SIPA1L1: variants seen among roughly 807,000 people sequenced by gnomAD.
SIPA1L1 encodes signal-induced proliferation-associated 1-like protein 1.
A neutral mutation model predicts 162.7 loss-of-function variants in SIPA1L1; 26 were observed. The ratio of observed to expected loss-of-function variants is 0.16; its 90% confidence interval spans 0.12 to 0.22. The LOEUF is 0.22. Ranked by LOEUF, SIPA1L1 falls within the 10% of genes least tolerant of loss-of-function variation. The pLI is 1.00. For synonymous variants in SIPA1L1, 829 were observed against 837.4 expected, an observed-to-expected ratio of 0.99 and a Z score of 0.17; for missense variants, 1,874 against 2,241.0, an observed-to-expected ratio of 0.84 and a Z score of 3.31.
chr14:71,376,210 TA>T (rs900357411), intron 2 of SIPA1L1, among the ~76,000 whole-genome samples: 1 of 152,150 alleles, frequency 6.6e-6, no homozygotes, highest in Non-Finnish European at 1.5e-5. Context: ...TTGATGTCTT[TA>T]AAAAATATAT....
chr14:71,740,977 G>C lies in SIPA1L1; in HGVS notation c.*1816G>C, dbSNP rs1316538253. 1.3e-5 allele frequency: 2 copies of C among 152,156 alleles called. No individual in the cohort carries two copies. The highest frequency in any genetic ancestry group is 4.8e-5 in the African/African-American group (2 of 41,434). The allele number at this position is 152,156 out of a possible 1,614,324, so 9.4% of individuals were successfully genotyped here. Reference sequence around the variant, plus strand: ...ATTAGAGTTTTGCAACAGAGTTCTTGTTTGAAGCCTCTAAAGACTACCTGT... The same window carrying C: ...ATTAGAGTTTTGCAACAGAGTTCTTCTTTGAAGCCTCTAAAGACTACCTGT... On this transcript the variant is annotated 3_prime_UTR_variant, in exon 24 of 24. Transcript: ENST00000381232.
rs143993885 is a variant in SIPA1L1, at chr14:71,588,682, G to C, written c.810G>C (p.Glu270Asp). Residue 270 changes from glutamate to aspartate, a missense_variant, in exon 5 of 24, where the codon GAG (glutamate) becomes GAC (aspartate). Around this residue, in one of 5 missense-constraint regions of SIPA1L1, gnomAD observed 685 missense variants for 828.0 expected, o/e 0.83. Coordinates refer to ENST00000381232, the MANE Select transcript of SIPA1L1 (RefSeq NM_001386936.1). This position sits in a 1 kb window ranked among gnomAD's most constrained non-coding sequence, Gnocchi z 4.3. ...DVIDGPISQR[E>D]NLRLFKEREK... ...TAGACGGGCCTATCTCACAGAGAGAGAACCTCAGGCTTTTTAAGGAAAGGG... is the reference window on the plus strand; with the variant it reads ...TAGACGGGCCTATCTCACAGAGAGACAACCTCAGGCTTTTTAAGGAAAGGG... The C allele has an allele frequency of 2.7e-4, 442 of 1,613,884 alleles. 2 individuals carry two copies. The highest frequency in any genetic ancestry group is 8.0e-5 in the Non-Finnish European group (94 of 1,179,994).
chr14:71,544,335 A>G (rs1452967500), intron 4 of SIPA1L1, among the ~76,000 whole-genome samples: 1 of 151,296 alleles, frequency 6.6e-6, no homozygotes, highest in Non-Finnish European at 1.5e-5. Flanking sequence ...TACATATATC[A>G]TGTGTGTGTA....
At chr14:71,544,455 T>C (rs1193748598) in intron 4 of SIPA1L1, among the ~76,000 whole-genome samples, 1 of 152,162 alleles carries the variant, frequency 6.6e-6, no homozygotes, top group Non-Finnish European at 1.5e-5. Flanking sequence ...TGTCTCTTGA[T>C]GAACAAAAAG....
intron 2 of SIPA1L1, among the ~76,000 whole-genome samples, chr14:71,473,680 C>T (rs1376899143): frequency 2.0e-5 from 3 of 152,154 alleles, no homozygotes; most frequent in Non-Finnish European, 1.5e-5. Flanking sequence ...ACAGGAAGAT[C>T]ATTCTGGGCT....
chr14:71,429,991 G>A (rs988572585), intron 2 of SIPA1L1, among the ~76,000 whole-genome samples: 2 of 152,166 alleles, frequency 1.3e-5, no homozygotes, highest in African/African-American at 2.4e-5. Flanking sequence ...GTGCATTGGG[G>A]GTAAAGCTAG....
intron 20 of SIPA1L1, among the ~76,000 whole-genome samples, chr14:71,733,463 G>A (rs1197634158): frequency 1.3e-5 from 2 of 152,198 alleles, no homozygotes; most frequent in Non-Finnish European, 2.9e-5. Context: ...ATGATGGGAG[G>A]TTGTGAAAAA....
chr14:71,678,194 A>G (rs2045409502), intron 12 of SIPA1L1, among the ~76,000 whole-genome samples: 1 of 152,228 alleles, frequency 6.6e-6, no homozygotes, highest in African/African-American at 2.4e-5. Context: ...AAGAGTGGTG[A>G]GAGAGGGCAT....
intron 7 of SIPA1L1, among the ~76,000 whole-genome samples, chr14:71,640,602 T>C (rs1358106376): frequency 6.6e-6 from 1 of 152,220 alleles, no homozygotes; most frequent in East Asian, 1.9e-4. Flanking sequence ...CTCAAATCTG[T>C]AAAACAATTA....
At chr14:71,514,337 A>G (rs2051484973) in intron 3 of SIPA1L1, among the ~76,000 whole-genome samples, 1 of 152,028 alleles carries the variant, frequency 6.6e-6, no homozygotes, top group South Asian at 2.1e-4. Flanking sequence ...CAGTGTGTTT[A>G]CTGGAGTTGT....
chr14:71,737,521 G>A (rs937440997), intron 22 of SIPA1L1, among the ~76,000 whole-genome samples: 15 of 151,970 alleles, frequency 9.9e-5, no homozygotes, highest in Non-Finnish European at 1.8e-4. Context: ...GGGTGAGAGC[G>A]TGCCCAGCCA....
rs550817894 is a variant in SIPA1L1, at chr14:71,608,497, G to C, written c.1499-10260G>C. ...TTTTCCTAAGCTAATGTTTGAATTG[G>C]TATTAACATTAAAAATAAAAAGTTG... On this transcript the variant is annotated intron_variant, in intron 5 of 23. Transcript: ENST00000381232. Among the ~76,000 whole-genome samples the C allele has an allele frequency of 7.2e-5, 11 of 152,042 alleles. No homozygotes were observed. The East Asian group carries it at 1.9e-3, about 27-fold the overall frequency.
At chr14:71,527,598 G>T (rs1026486781) in intron 3 of SIPA1L1, among the ~76,000 whole-genome samples, 1 of 151,896 alleles carries the variant, frequency 6.6e-6, no homozygotes, top group Non-Finnish European at 1.5e-5. Context: ...GTTTTGAGGC[G>T]TCCACTTTTC....
At chr14:71,698,333 T>C (rs1164085690) in intron 13 of SIPA1L1, among the ~76,000 whole-genome samples, 1 of 152,210 alleles carries the variant, frequency 6.6e-6, no homozygotes. Flanking sequence ...CCCATAACTT[T>C]AAAAACAGAT....
In SIPA1L1 at chr14:71,635,056, TCAC is replaced by T. The variant is rs540826769; in HGVS notation, c.1818+10822_1818+10824del. ...ACTTTGAGAGGCCGAGGCGGGTGGG[TCAC>T]CTGACATCAGGAGTTCGAGACCAGC... On this transcript the variant is annotated intron_variant, in intron 7 of 23. Transcript: ENST00000381232. Among the ~76,000 whole-genome samples, 154 of 151,950 alleles carry T rather than the reference TCAC, an allele frequency of 1.0e-3. 2 individuals carry two copies. Among genetic ancestry groups the T allele is most frequent in the African/African-American group, 3.5e-3 (145 of 41,434 alleles).
chr14:71,384,906 C>G (rs1468847257), intron 2 of SIPA1L1, among the ~76,000 whole-genome samples: 1 of 152,100 alleles, frequency 6.6e-6, no homozygotes, highest in Non-Finnish European at 1.5e-5. Flanking sequence ...CAGCTTTTTG[C>G]TCTTTATCTG....
intron 2 of SIPA1L1, among the ~76,000 whole-genome samples, chr14:71,468,359 G>T (rs905325182): frequency 6.6e-6 from 1 of 152,318 alleles, no homozygotes. Flanking sequence ...AGTTCTGCAT[G>T]CTGTACAAGC....
intron 5 of SIPA1L1, among the ~76,000 whole-genome samples, chr14:71,616,510 G>C (rs1346257719): frequency 6.6e-6 from 1 of 151,348 alleles, no homozygotes; most frequent in Non-Finnish European, 1.5e-5. Flanking sequence ...AGCAAGTCTA[G>C]AGGGAGAAGT....
intron 2 of SIPA1L1, among the ~76,000 whole-genome samples, chr14:71,410,262 T>G (rs2042310487): frequency 6.6e-6 from 1 of 152,248 alleles, no homozygotes; most frequent in South Asian, 2.1e-4. Flanking sequence ...TCTACCTTAG[T>G]ACTAAGCATA....
Sources: gnomAD v4.1 joint callset for allele counts (sites outside exome capture counted in the v4.1 genomes callset) on GRCh38, gnomAD v4.1.1 for gene constraint, gnomAD v4.1.1 regional missense constraint, Gnocchi (gnomAD v3.1) non-coding constraint, MANE v1.5 for transcripts, NCBI Gene and HGNC (gene_info 2026-07-23, HGNC 2026-07-21) for gene names.